Variants in SPATA7 observed in about 807,000 individuals in gnomAD.
SPATA7 encodes the protein spermatogenesis-associated protein 7.
A neutral mutation model predicts 51.8 loss-of-function variants in SPATA7; 43 were observed. The observed-to-expected ratio is 0.83, with a 90% CI of 0.65 to 1.07. The LOEUF is 1.07. Ranked by LOEUF, SPATA7 falls within the 50% of genes least tolerant of loss-of-function variation. The pLI is 0.00. For synonymous variants in SPATA7, 230 were observed against 252.8 expected (o/e 0.91, Z 0.86); for missense variants, 683 against 701.3 (o/e 0.97, Z 0.30).
chr14:88,439,615 G>T (rs2077163810), downstream of SPATA7, among the ~76,000 whole-genome samples: 1 of 152,140 alleles, frequency 6.6e-6, no homozygotes, highest in African/African-American at 2.4e-5. Flanking sequence ...CAAGTATCCT[G>T]TTCTTTAACT....
intron 10 of SPATA7, among the ~76,000 whole-genome samples, chr14:88,437,064 A>G (rs1191415132): frequency 2.7e-5 from 4 of 149,216 alleles, no homozygotes; most frequent in Non-Finnish European, 5.9e-5. Context: ...TGAATTTGGA[A>G]TATTTTTCCT....
chr14:88,397,149 CA>C (rs1566751845), intron 4 of SPATA7, among the ~76,000 whole-genome samples: 1 of 152,194 alleles, frequency 6.6e-6, no homozygotes, highest in Non-Finnish European at 1.5e-5. Context: ...CTCAGTCCCC[CA>C]AAGTGCTGGG....
intron 3 of SPATA7, 91 bp from the exon 4 acceptor site, chr14:88,396,065 C>G (rs2075871345): frequency 1.0e-6 from 1 of 999,166 alleles, no homozygotes; most frequent in Admixed American, 1.8e-5. Flanking sequence ...TAAACAGCTG[C>G]AAGGTCTGGA....
chr14:88,449,894 T>C (rs1566795205), intron 3 of SPATA7, among the ~76,000 whole-genome samples: 1 of 152,104 alleles, frequency 6.6e-6, no homozygotes, highest in Non-Finnish European at 1.5e-5. Context: ...GAATAGCTAC[T>C]CCTGCTTGCT....
intron 1 of SPATA7, among the ~76,000 whole-genome samples, chr14:88,386,742 A>G (rs752158849): frequency 6.6e-6 from 1 of 152,084 alleles, no homozygotes; most frequent in Non-Finnish European, 1.5e-5. Flanking sequence ...GCCCCTCCCA[A>G]TTCAGTGTTT....
downstream of SPATA7, among the ~76,000 whole-genome samples, chr14:88,458,413 G>A (rs1216231237): frequency 4.6e-5 from 7 of 152,170 alleles, no homozygotes; most frequent in African/African-American, 1.4e-4. Flanking sequence ...CCTGTTATTG[G>A]TCTATTCAGA....
At position 88,437,850 on chromosome 14, in the gene SPATA7, C is replaced by G. The variant is rs987375960; in HGVS notation, c.1228C>G (p.His410Asp). The G allele has an allele frequency of 1.0e-5, 16 of 1,589,826 alleles. No homozygotes were observed. Among genetic ancestry groups the G allele is most frequent in the Middle Eastern group, 1.7e-4 (1 of 5,936 alleles). Residue 410 changes from histidine to aspartate, a missense_variant, in exon 12 of 12, where the codon CAC (histidine) becomes GAC (aspartate). Transcript: ENST00000393545. ...NKHLEEEKMR[H>D]LLHVLKVDLG... ...TTCTTAATCCTAGGAAAAAATGCGC[C>G]ACCTGCTGCATGTCCTGAAAGTAGA...
At chr14:88,425,439 C>T (rs1225993684) in intron 5 of SPATA7, among the ~76,000 whole-genome samples, 1 of 152,134 alleles carries the variant, frequency 6.6e-6, no homozygotes, top group Non-Finnish European at 1.5e-5. Flanking sequence ...TTCCCCTCTA[C>T]CTAATGAAAG....
intron 10 of SPATA7, among the ~76,000 whole-genome samples, chr14:88,434,912 T>C (rs2077044265): frequency 6.6e-6 from 1 of 152,188 alleles, no homozygotes; most frequent in Non-Finnish European, 1.5e-5. Context: ...TGAGGTTGGT[T>C]CATAACTTCA....
intron 4 of SPATA7, among the ~76,000 whole-genome samples, chr14:88,462,024 T>G (rs1002672729): frequency 4.6e-5 from 7 of 152,360 alleles, no homozygotes; most frequent in African/African-American, 1.7e-4. Context: ...AGTGTTGCAC[T>G]GGTATTATTT....
At chr14:88,395,369 T>C (rs562485420) in intron 3 of SPATA7, among the ~76,000 whole-genome samples, 105 of 152,092 alleles carry the variant, frequency 6.9e-4, no homozygotes, top group South Asian at 1.9e-3. Flanking sequence ...TTTAAATGAC[T>C]AAAAAAACAA....
intron 3 of SPATA7, among the ~76,000 whole-genome samples, chr14:88,452,397 G>C (rs545675831): frequency 3.3e-5 from 5 of 152,298 alleles, no homozygotes; most frequent in African/African-American, 7.2e-5. Context: ...TTTTGTGTTC[G>C]TTGGCCTCCA....
rs932531051 is a variant in SPATA7, at chr14:88,433,117, A to C, written c.1083-18A>C. On this transcript the variant is annotated intron_variant, in intron 9 of 11. Transcript: ENST00000393545. Reference sequence around the variant, plus strand: ...GTAAGGAATAATTTTTATGCTATATATTGCCTTCCTTTTACAGTGAAGAAG... The same window carrying C: ...GTAAGGAATAATTTTTATGCTATATCTTGCCTTCCTTTTACAGTGAAGAAG... 3 of 1,597,022 alleles carry C rather than the reference A, an allele frequency of 1.9e-6. No homozygotes were observed. The African/African-American group carries it at 4.0e-5, about 21-fold the overall frequency.
intron 4 of SPATA7, among the ~76,000 whole-genome samples, chr14:88,465,618 TG>T (rs2077353068): frequency 6.6e-6 from 1 of 152,230 alleles, no homozygotes; most frequent in African/African-American, 2.4e-5. Flanking sequence ...CTACGTTTTG[TG>T]GAAGTGCACA....
chr14:88,465,847 A>G (rs2077355296), intron 4 of SPATA7: 1 of 152,190 alleles, frequency 6.6e-6, no homozygotes, highest in African/African-American at 2.4e-5. Context: ...TTAAAATTAC[A>G]TGGCTCTTAG....
chr14:88,390,378 C>T (rs1051331337), intron 1 of SPATA7, among the ~76,000 whole-genome samples: 1 of 151,964 alleles, frequency 6.6e-6, no homozygotes, highest in African/African-American at 2.4e-5. Flanking sequence ...TTCCACTTGA[C>T]TGTGTAGGCT....
rs5810413 is a variant in SPATA7 at position 88,385,935 on chromosome 14, TG to T, written c.19+102del. The T allele has an allele frequency of 1, 1,543,054 of 1,543,064 alleles. 771,522 individuals are homozygous for T. The highest frequency in any genetic ancestry group is 1 in the Middle Eastern group (4,898 of 4,898). On this transcript the variant is annotated intron_variant, in intron 1 of 11. Coordinates refer to ENST00000393545, the MANE Select transcript of SPATA7 (RefSeq NM_018418.5). ...GGCAGCTGAGTGCAAGGCCGCCCCT[TG>T]GGGCGCTTCCTACCCCTGGCTGAGT...
At chr14:88,441,205 T>C (rs1436036614), downstream of SPATA7, among the ~76,000 whole-genome samples, 1 of 152,058 alleles carries the variant, frequency 6.6e-6, no homozygotes, top group Admixed American at 6.6e-5. Context: ...TGTGTGTGTG[T>C]ATATATATAC....
intron 8 of SPATA7, among the ~76,000 whole-genome samples, chr14:88,429,721 G>A (rs1248648139): frequency 6.6e-6 from 1 of 151,912 alleles, no homozygotes; most frequent in East Asian, 1.9e-4. Flanking sequence ...TATTATCACT[G>A]TTCATTAAAA....
Sources: gnomAD v4.1 joint callset for allele counts (sites outside exome capture counted in the v4.1 genomes callset) on GRCh38, gnomAD v4.1.1 for gene constraint, MANE v1.5 for transcripts, NCBI Gene and HGNC (gene_info 2026-07-23, HGNC 2026-07-21) for gene names.